The following NEXMIF variants were observed in gnomAD, a reference collection of about 807,000 sequenced individuals.
NEXMIF encodes the protein XLMR protein related to neurite extension.
NEXMIF carries 8 observed loss-of-function variants against 62.1 expected under a neutral mutation model. That is an observed-to-expected ratio of 0.13 (90% CI 0.08 to 0.23). The LOEUF is 0.23. NEXMIF is among the 10% of genes least tolerant of loss of function. The pLI is 1.00. For synonymous variants in NEXMIF, 404 were observed against 416.6 expected (o/e 0.97, Z 0.37); for missense variants, 976 against 1,113.3 (o/e 0.88, Z 1.75).
intron 1 of NEXMIF, among the ~76,000 whole-genome samples, chrX:74,775,683 C>T: frequency 9.0e-6 from 1 of 111,437 alleles, no homozygotes; most frequent in East Asian, 2.8e-4. Flanking sequence ...CTTCTTACCC[C>T]TAATCTCACC....
At chrX:74,865,620 C>T (rs1008831906) in intron 1 of NEXMIF, among the ~76,000 whole-genome samples, 2 of 111,901 alleles carry the variant, frequency 1.8e-5, no homozygotes, top group African/African-American at 3.2e-5. Flanking sequence ...CATGGCAGAG[C>T]CTCCCATCAA....
chrX:74,741,460 T>G lies in NEXMIF; in HGVS notation c.3097A>C (p.Lys1033Gln). 8.3e-7 allele frequency: 1 copy of G among 1,211,536 alleles called. No individual in the cohort carries two copies. Among genetic ancestry groups the G allele is most frequent in the Non-Finnish European group, 1.1e-6 (1 of 895,427 alleles). The change falls in exon 3 of 4, where the codon AAG (lysine) becomes CAG (glutamine). Residue 1033 changes from lysine to glutamine, a missense_variant. Physicochemically the swap from Lys to Gln is moderately conservative, Grantham distance 53. Around this residue, in one of 5 missense-constraint regions of NEXMIF, gnomAD observed 639 missense variants for 694.5 expected, o/e 0.92. Coordinates refer to ENST00000055682, the MANE Select transcript of NEXMIF (RefSeq NM_001008537.3). ...TDDFLAHCSP[K>Q]LVIQQSIDEI... ...TCAATGCTTTGCTGGATCACCAGCT[T>G]AGGGCTGCAATGGGCCAGGAAGTCA...
intron 1 of NEXMIF, among the ~76,000 whole-genome samples, chrX:74,861,068 A>G (rs1413340927): frequency 1.2e-4 from 14 of 112,145 alleles, no homozygotes; most frequent in Non-Finnish European, 2.3e-4. Flanking sequence ...AGGATGTCCT[A>G]ACCCAAAGCA....
chrX:74,874,634 G>A (rs1260110002), intron 1 of NEXMIF, among the ~76,000 whole-genome samples: 8 of 91,504 alleles, frequency 8.7e-5, no homozygotes, highest in African/African-American at 2.9e-4. Flanking sequence ...AGCATGGAAT[G>A]TTCTTCCATT....
chrX:74,744,920 T>C (rs866165355), intron 2 of NEXMIF, among the ~76,000 whole-genome samples: 3 of 44,629 alleles, frequency 6.7e-5, no homozygotes, highest in Non-Finnish European at 1.3e-4. Context: ...TCTCTCTCTC[T>C]TCTCTCTCTC....
chrX:74,802,310 C>G (rs1359958174), intron 1 of NEXMIF, among the ~76,000 whole-genome samples: 4 of 111,301 alleles, frequency 3.6e-5, no homozygotes, highest in African/African-American at 1.3e-4. Context: ...TGGTGGTGGT[C>G]ACGCGGGGTG....
At chrX:74,759,803 G>T (rs1316833143) in intron 1 of NEXMIF, among the ~76,000 whole-genome samples, 1 of 111,824 alleles carries the variant, frequency 8.9e-6, no homozygotes, top group Non-Finnish European at 1.9e-5. Flanking sequence ...CTGTAGTACA[G>T]TTTGAAGTTG....
At chrX:74,861,756 G>A (rs1311224520) in intron 1 of NEXMIF, among the ~76,000 whole-genome samples, 1 of 111,581 alleles carries the variant, frequency 9.0e-6, no homozygotes, top group Non-Finnish European at 1.9e-5. Context: ...AGCTTCATAA[G>A]TGAAGAAGAA....
chrX:74,772,916 A>C, intron 1 of NEXMIF, among the ~76,000 whole-genome samples: 1 of 111,918 alleles, frequency 8.9e-6, no homozygotes, highest in Admixed American at 9.5e-5. Context: ...AGCTACAATT[A>C]TACTTTTTAG....
rs185629549 is a variant in NEXMIF, at chrX:74,785,947, T to C, written c.-47-40250A>G. 3.4e-3 allele frequency among the ~76,000 whole-genome samples: 388 copies of C among 112,943 alleles called. 2 individuals carry two copies. The highest frequency in any genetic ancestry group is 0.012 in the African/African-American group (370 of 31,172). ...ATAGACAAAACTTATGAAATAAATCTGCTTTCATGAAATTTGGTGTTTATG... is the reference window on the plus strand; with the variant it reads ...ATAGACAAAACTTATGAAATAAATCCGCTTTCATGAAATTTGGTGTTTATG... On this transcript the variant is annotated intron_variant, in intron 1 of 3. Coordinates refer to ENST00000055682, the MANE Select transcript of NEXMIF (RefSeq NM_001008537.3).
intron 2 of NEXMIF, 57 bp downstream of exon 2, chrX:74,745,515 G>A: frequency 1.2e-6 from 1 of 857,246 alleles, no homozygotes; most frequent in South Asian, 2.1e-5. Context: ...AAAATCCATA[G>A]TAATAACAGA....
rs1006334749 is a variant in NEXMIF, at chrX:74,755,888, A to T, written c.-47-10191T>A. ...ACTCCACTGGGGTAAATTTTAAATT[A>T]AAAATTTTTTTTTTGAGATGGAGTC... On this transcript the variant is annotated intron_variant, in intron 1 of 3. Transcript: ENST00000055682. Among the ~76,000 whole-genome samples the T allele has an allele frequency of 4.2e-4, 47 of 111,853 alleles. No homozygotes were observed. In the Admixed American group the frequency reaches 4.4e-3, roughly 10 times the overall value.
chrX:74,781,021 T>C (rs1346102092), intron 1 of NEXMIF, among the ~76,000 whole-genome samples: 1 of 111,773 alleles, frequency 8.9e-6, no homozygotes, highest in African/African-American at 3.3e-5. Context: ...TGTGAGAATA[T>C]AGAAAGCCTG....
At chrX:74,888,049 A>T (rs1434586955) in intron 1 of NEXMIF, among the ~76,000 whole-genome samples, 1 of 110,169 alleles carries the variant, frequency 9.1e-6, no homozygotes, top group Non-Finnish European at 1.9e-5. Flanking sequence ...ACAAAAAACC[A>T]AACACGGCAT....
At chrX:74,873,141 T>A (rs1014271309) in intron 1 of NEXMIF, among the ~76,000 whole-genome samples, 119 of 108,855 alleles carry the variant, frequency 1.1e-3, no homozygotes, top group African/African-American at 3.6e-3. Flanking sequence ...CCCTCCCCCA[T>A]CCCCCAACCC....
At chrX:74,836,668 C>T (rs1049203026) in intron 1 of NEXMIF, among the ~76,000 whole-genome samples, 2 of 111,783 alleles carry the variant, frequency 1.8e-5, no homozygotes, top group African/African-American at 3.3e-5. Flanking sequence ...AGATGCAAGA[C>T]GAAGTCCTCT....
At chrX:74,840,746 C>T (rs1297891067) in intron 1 of NEXMIF, among the ~76,000 whole-genome samples, 1 of 111,697 alleles carries the variant, frequency 9.0e-6, no homozygotes, top group Admixed American at 9.5e-5. Flanking sequence ...GAAGTCTTTT[C>T]CCAATTGCTT....
rs745720231 is a variant in NEXMIF at position 74,742,187 on chromosome X, C to T, written c.2370G>A (p.Thr790=). ...KAAKSSTFLP[T]TCSSEMPLSS... ...ATAAAGGCATTTCAGAAGAGCATGTCGTTGGTAGAAAAGTGGAACTCTTAG... is the reference window on the plus strand; with the variant it reads ...ATAAAGGCATTTCAGAAGAGCATGTTGTTGGTAGAAAAGTGGAACTCTTAG... The change falls in exon 3 of 4, where the codon ACG becomes ACA. Residue 790 remains threonine (T), a synonymous_variant. Transcript: ENST00000055682. The T allele has an allele frequency of 8.3e-6, 10 of 1,209,611 alleles. No homozygotes were observed. Among genetic ancestry groups the T allele is most frequent in the Non-Finnish European group, 1.0e-5 (9 of 895,015 alleles).
intron 1 of NEXMIF, among the ~76,000 whole-genome samples, chrX:74,782,923 G>A (rs2080250992): frequency 8.9e-6 from 1 of 111,813 alleles, no homozygotes; most frequent in Admixed American, 9.5e-5. Context: ...GAGTAAATGA[G>A]AGGCAGTTAT....
Sources: allele counts gnomAD v4.1 joint callset (sites outside exome capture counted in the v4.1 genomes callset), GRCh38; gene constraint gnomAD v4.1.1; regional missense constraint gnomAD v4.1.1; transcripts MANE v1.5; gene names NCBI Gene and HGNC (gene_info 2026-07-23, HGNC 2026-07-21).